The following CBX1 variants were observed in gnomAD, a reference collection of about 807,000 sequenced individuals.
CBX1 encodes chromobox protein homolog 1.
Under a neutral mutation model 25.1 loss-of-function variants are expected in CBX1, and 10 were observed. That is an observed-to-expected ratio of 0.40 (90% CI 0.25 to 0.68). The LOEUF (loss-of-function observed/expected upper bound fraction) is 0.68, where lower values mean the gene tolerates loss of function less well. Ranked by LOEUF, CBX1 falls within the 30% of genes least tolerant of loss-of-function variation. The pLI, the probability that CBX1 is intolerant of heterozygous loss-of-function variation, is 0.40. For missense variants in CBX1, 106 were observed against 218.5 expected (o/e 0.49, Z 3.25); for synonymous variants, 63 against 79.4 (o/e 0.79, Z 1.10).
At chr17:48,096,640 T>C (rs543092187) in intron 1 of CBX1, among the ~76,000 whole-genome samples, 15 of 152,146 alleles carry the variant, frequency 9.9e-5, no homozygotes, top group African/African-American at 3.4e-4. Context: ...CTGGGCATGG[T>C]GGTGTGCACC....
intron 1 of CBX1, among the ~76,000 whole-genome samples, chr17:48,077,896 A>AT (rs1051776077): frequency 1.3e-5 from 2 of 152,102 alleles, no homozygotes; most frequent in African/African-American, 4.8e-5. Flanking sequence ...GCTCACACCT[A>AT]TAATTCTAGC....
intron 1 of CBX1, among the ~76,000 whole-genome samples, chr17:48,092,205 G>A (rs1417346888): frequency 6.6e-6 from 1 of 151,240 alleles, no homozygotes; most frequent in Non-Finnish European, 1.5e-5. Flanking sequence ...GGTCAGGCTG[G>A]TCTCGAACTC....
chr17:48,076,834 G>A, intron 2 of CBX1, 31 bp downstream of exon 2: 1 of 1,593,800 alleles, frequency 6.3e-7, no homozygotes, highest in Non-Finnish European at 8.5e-7. Context: ...AACACGTGGT[G>A]GCTACATTTA....
At chr17:48,096,388 C>T (rs1482830835) in intron 1 of CBX1, 7 of 984,326 alleles carry the variant, frequency 7.1e-6, no homozygotes, top group Middle Eastern at 5.2e-4. Flanking sequence ...CACAGAGATA[C>T]CTCAAGCTAT....
intron 1 of CBX1, among the ~76,000 whole-genome samples, chr17:48,094,899 T>C (rs2063364904): frequency 1.3e-5 from 2 of 150,930 alleles, no homozygotes; most frequent in Non-Finnish European, 1.5e-5. Flanking sequence ...ATACAAAAAT[T>C]AGCCAGGTGT....
In CBX1 at chr17:48,076,007, TTTC is replaced by T. The variant is rs765850446; in HGVS notation, c.309_311del (p.Lys104del). On this transcript the variant is annotated inframe_deletion, in exon 3 of 5. Transcript: ENST00000225603. ...TTCTTACTTCTATTCTTACCTCTTC[TTTC>T]TTCTTCTTTGGTTTGCTCTCCTCTC... 2.5e-6 allele frequency: 4 copies of T among 1,598,046 alleles called. No individual in the cohort carries two copies. Among genetic ancestry groups the T allele is most frequent in the African/African-American group, 1.3e-5 (1 of 74,798 alleles).
In CBX1 at chr17:48,101,385, T is replaced by C. The variant is rs913585768; in HGVS notation, c.-155A>G. 6 of 985,606 alleles carry C rather than the reference T, an allele frequency of 6.1e-6. No individual in the cohort carries two copies. Among genetic ancestry groups the C allele is most frequent in the South Asian group, 4.7e-5 (1 of 21,372 alleles). The allele number at this position is 985,606 out of a possible 1,614,324, so 61.1% of individuals were successfully genotyped here. On this transcript the variant is annotated 5_prime_UTR_variant, in exon 1 of 5. Transcript: ENST00000225603. ...AGCAAGCCGGGTGGCCGCAGTGGCGTCCCTCACTGAAGCGGCGTACCGCAG... is the reference window on the plus strand; with the variant it reads ...AGCAAGCCGGGTGGCCGCAGTGGCGCCCCTCACTGAAGCGGCGTACCGCAG...
chr17:48,096,274 A>T, intron 1 of CBX1: 2 of 742,926 alleles, frequency 2.7e-6, no homozygotes, highest in Non-Finnish European at 3.3e-6. Flanking sequence ...TTTATCTGAG[A>T]TGTGTTCTGA....
intron 1 of CBX1, among the ~76,000 whole-genome samples, chr17:48,097,340 C>A (rs1405265933): frequency 6.6e-6 from 1 of 151,838 alleles, no homozygotes; most frequent in Non-Finnish European, 1.5e-5. Context: ...ATAGGCTGGG[C>A]GCAGTGGCTC....
chr17:48,086,844 AGAGT>A (rs1315566482), intron 1 of CBX1, among the ~76,000 whole-genome samples: 1 of 152,178 alleles, frequency 6.6e-6, no homozygotes, highest in African/African-American at 2.4e-5. Flanking sequence ...CCTGGGCTAT[AGAGT>A]GAGACTTCGT....
chr17:48,073,824 C>CAAAAAAAAAAAA (rs60857566), intron 4 of CBX1, among the ~76,000 whole-genome samples: 2,559 of 82,324 alleles, frequency 0.031, 279 homozygotes, highest in African/African-American at 0.078. Context: ...GAGACTGTCT[C>CAAAAAAAAAAAA]AAAAAAAAAA....
chr17:48,098,715 C>T (rs751042377), intron 1 of CBX1, among the ~76,000 whole-genome samples: 1 of 152,036 alleles, frequency 6.6e-6, no homozygotes, highest in African/African-American at 2.4e-5. Context: ...TTTATGGGAG[C>T]CCATAAACTA....
intron 1 of CBX1, among the ~76,000 whole-genome samples, chr17:48,089,391 G>A (rs2063330928): frequency 6.7e-6 from 1 of 150,308 alleles, no homozygotes; most frequent in South Asian, 2.1e-4. Flanking sequence ...ATGAGCCACC[G>A]CGCCTGGCCA....
intron 1 of CBX1, among the ~76,000 whole-genome samples, chr17:48,087,872 C>CAAAAAAAA (rs531431865): frequency 1.6e-4 from 14 of 89,216 alleles, no homozygotes; most frequent in Non-Finnish European, 2.2e-4. Context: ...GACTCAGTCT[C>CAAAAAAAA]AAAAAAAAAA....
intron 1 of CBX1, among the ~76,000 whole-genome samples, chr17:48,097,308 T>C (rs1005016702): frequency 2.0e-5 from 3 of 150,758 alleles, no homozygotes; most frequent in African/African-American, 7.3e-5. Flanking sequence ...TACACCATTC[T>C]TGTCAGTTAA....
chr17:48,078,965 T>G (rs533780055), intron 1 of CBX1, among the ~76,000 whole-genome samples: 9 of 142,618 alleles, frequency 6.3e-5, no homozygotes, highest in Admixed American at 1.4e-4. Context: ...AATTTTTGTA[T>G]TTTTAGCAGA....
intron 1 of CBX1, among the ~76,000 whole-genome samples, chr17:48,097,232 C>T (rs1272591466): frequency 6.8e-6 from 1 of 147,432 alleles, no homozygotes; most frequent in Non-Finnish European, 1.5e-5. Flanking sequence ...CCAGCCTGGG[C>T]AACAAGAGCG....
intron 1 of CBX1, among the ~76,000 whole-genome samples, chr17:48,091,919 T>C (rs2068715405): frequency 6.6e-6 from 1 of 150,394 alleles, no homozygotes; most frequent in South Asian, 2.1e-4. Flanking sequence ...CCTCAGGTGA[T>C]CCACTCACCT....
chr17:48,088,197 G>C (rs1337978561), intron 1 of CBX1: 3 of 151,686 alleles, frequency 2.0e-5, no homozygotes, highest in Non-Finnish European at 4.4e-5. Flanking sequence ...TGTAATCCTA[G>C]CTACTTGGGA....
Sources: allele counts gnomAD v4.1 joint callset (sites outside exome capture counted in the v4.1 genomes callset), GRCh38; gene constraint gnomAD v4.1.1; transcripts MANE v1.5; gene names NCBI Gene and HGNC (gene_info 2026-07-23, HGNC 2026-07-21).